Variants in ADAMTSL1 observed in about 807,000 individuals in gnomAD.
The protein encoded by ADAMTSL1 is ADAMTS like 1, also known as ADAMTS-like protein 1.
ADAMTSL1 carries 126 observed loss-of-function variants against 201.8 expected under a neutral mutation model. That is an observed-to-expected ratio of 0.62 (90% CI 0.54 to 0.72). ADAMTSL1 has a LOEUF of 0.72. Ranked by LOEUF, ADAMTSL1 falls within the 30% of genes least tolerant of loss-of-function variation. The pLI is 0.00. For synonymous variants in ADAMTSL1, 1,121 were observed against 903.4 expected (o/e 1.24, Z -4.32); for missense variants, 2,679 against 2,277.8 (o/e 1.18, Z -3.59).
intron 15 of ADAMTSL1, among the ~76,000 whole-genome samples, chr9:18,740,954 G>A (rs565229323): frequency 6.6e-6 from 1 of 152,150 alleles, no homozygotes; most frequent in Non-Finnish European, 1.5e-5. Context: ...ATTTTAGGAA[G>A]CCATTGATGA....
intron 2 of ADAMTSL1, among the ~76,000 whole-genome samples, chr9:18,324,716 A>G (rs1369777152): frequency 1.3e-5 from 2 of 151,782 alleles, no homozygotes; most frequent in African/African-American, 4.8e-5. Flanking sequence ...GTGAGCTGAG[A>G]TCGCGCCATC....
intron 5 of ADAMTSL1, among the ~76,000 whole-genome samples, chr9:18,625,987 G>GTAAA (rs1826335308): frequency 6.6e-6 from 1 of 152,126 alleles, no homozygotes; most frequent in Non-Finnish European, 1.5e-5. Flanking sequence ...AGATTTTGAG[G>GTAAA]TAAAGTACGC....
intron 1 of ADAMTSL1, among the ~76,000 whole-genome samples, chr9:18,489,908 T>G (rs966089031): frequency 5.3e-5 from 8 of 152,192 alleles, no homozygotes; most frequent in African/African-American, 1.9e-4. Context: ...CATTTCCCCT[T>G]TTTTCCTAAA....
chr9:18,553,424 T>C (rs1820915781), intron 3 of ADAMTSL1, among the ~76,000 whole-genome samples: 1 of 151,744 alleles, frequency 6.6e-6, no homozygotes, highest in Non-Finnish European at 1.5e-5. Context: ...TTTTGTCAAG[T>C]GTTTTAGCTC....
At chr9:18,274,506 G>A (rs1308317386) in intron 2 of ADAMTSL1, among the ~76,000 whole-genome samples, 1 of 151,802 alleles carries the variant, frequency 6.6e-6, no homozygotes, top group Admixed American at 6.6e-5. Flanking sequence ...CAATGTCTGA[G>A]GTATTTCATA....
At chr9:18,514,504 G>A (rs888073947) in intron 2 of ADAMTSL1, among the ~76,000 whole-genome samples, 5 of 151,496 alleles carry the variant, frequency 3.3e-5, no homozygotes, top group Non-Finnish European at 7.4e-5. Flanking sequence ...TACTTTTTTT[G>A]TATTTTTAGT....
At chr9:18,749,528 C>T (rs1385051689) in intron 15 of ADAMTSL1, among the ~76,000 whole-genome samples, 1 of 152,166 alleles carries the variant, frequency 6.6e-6, no homozygotes, top group African/African-American at 2.4e-5. Flanking sequence ...GGCCCCAGAA[C>T]CTCAGAGAAA....
chr9:18,338,066 T>C (rs916560231), intron 2 of ADAMTSL1, among the ~76,000 whole-genome samples: 1 of 152,128 alleles, frequency 6.6e-6, no homozygotes, highest in Non-Finnish European at 1.5e-5. Flanking sequence ...ACAACTTTGT[T>C]GATTACTTTC....
In ADAMTSL1 at chr9:18,777,893, C is replaced by A; in HGVS notation, c.3664C>A (p.Gln1222Lys). 6.5e-7 allele frequency: 1 copy of A among 1,549,866 alleles called. No individual in the cohort carries two copies. Among genetic ancestry groups the A allele is most frequent in the South Asian group, 1.2e-5 (1 of 80,522 alleles). ...ISWARNGEEVQFSDRILLQPD... is the reference protein window; with the variant it reads ...ISWARNGEEVKFSDRILLQPD... ...CTGGGCCAGGAATGGAGAAGAAGTT[C>A]AGTTCAGTGACAGGTGAGCCTTGTA... The change falls in exon 19 of 29, where the codon CAG (glutamine) becomes AAG (lysine). Residue 1222 changes from glutamine to lysine, a missense_variant. Transcript: ENST00000380548.
At chr9:18,049,717 G>A (rs941960659) in intron 1 of ADAMTSL1, among the ~76,000 whole-genome samples, 23 of 151,604 alleles carry the variant, frequency 1.5e-4, no homozygotes, top group East Asian at 3.9e-4. Flanking sequence ...CCCGCCTCCC[G>A]GGTTCACGCC....
chr9:18,077,831 T>C (rs1371748219), intron 1 of ADAMTSL1, among the ~76,000 whole-genome samples: 2 of 151,974 alleles, frequency 1.3e-5, no homozygotes, highest in South Asian at 2.1e-4. Context: ...CGGAGGAAGA[T>C]GAGAGAGATG....
chr9:18,709,465 C>T (rs980180191), intron 14 of ADAMTSL1, among the ~76,000 whole-genome samples: 3 of 152,102 alleles, frequency 2.0e-5, no homozygotes, highest in African/African-American at 7.2e-5. Flanking sequence ...TTTGTAATCT[C>T]AAGAGATGAA....
At chr9:17,918,696 T>C (rs1365437576) in intron 1 of ADAMTSL1, among the ~76,000 whole-genome samples, 4 of 151,924 alleles carry the variant, frequency 2.6e-5, no homozygotes, top group African/African-American at 9.7e-5. Flanking sequence ...TCAAATTGGT[T>C]GATACCATTG....
chr9:18,193,377 G>A (rs1369709778), intron 2 of ADAMTSL1, among the ~76,000 whole-genome samples: 1 of 151,994 alleles, frequency 6.6e-6, no homozygotes, highest in Admixed American at 6.6e-5. Flanking sequence ...AATATGCAGG[G>A]GAAGAGGAGG....
intron 2 of ADAMTSL1, among the ~76,000 whole-genome samples, chr9:18,279,768 C>G (rs1281176275): frequency 6.6e-6 from 1 of 152,126 alleles, no homozygotes; most frequent in Non-Finnish European, 1.5e-5. Context: ...TTCGCAGATT[C>G]CATAGTTTCT....
chr9:18,027,333 C>T (rs1020553403), intron 1 of ADAMTSL1, among the ~76,000 whole-genome samples: 1 of 151,724 alleles, frequency 6.6e-6, no homozygotes, highest in African/African-American at 2.4e-5. Context: ...TTTCTAACTT[C>T]TTGATGTAGG....
chr9:18,535,738 TTC>T (rs1819726688), intron 3 of ADAMTSL1, among the ~76,000 whole-genome samples: 1 of 152,194 alleles, frequency 6.6e-6, no homozygotes, highest in Admixed American at 6.5e-5. Context: ...AAACACATCT[TTC>T]TTCACAGATG....
rs143021646 is a variant in ADAMTSL1, at chr9:18,203,041, A to T, written c.207+39060A>T. Among the ~76,000 whole-genome samples, 6 of 152,258 alleles carry T rather than the reference A, an allele frequency of 3.9e-5. No individual in the cohort carries two copies. In the East Asian group the frequency reaches 1.2e-3, roughly 29 times the overall value. ...GGAACTCCCGAGGTCCCCAAGTGTC[A>T]GGTAGCCACCTTTCCCAGCTCTTTC... On this transcript the variant is annotated intron_variant, in intron 2 of 29. Transcript: ENST00000680146.
intron 15 of ADAMTSL1, among the ~76,000 whole-genome samples, chr9:18,740,899 G>A (rs576796164): frequency 6.6e-6 from 1 of 152,188 alleles, no homozygotes; most frequent in African/African-American, 2.4e-5. Context: ...GCCTTTGCCT[G>A]GCTACCACTT....
Sources: allele counts gnomAD v4.1 joint callset (sites outside exome capture counted in the v4.1 genomes callset), GRCh38; gene constraint gnomAD v4.1.1; transcripts MANE v1.5; gene names NCBI Gene and HGNC (gene_info 2026-07-23, HGNC 2026-07-21).